Variants in IGSF21 observed in about 807,000 individuals in gnomAD.
The protein encoded by IGSF21 is immunoglobin superfamily member 21, also known as immunoglobulin superfamily member 21.
Under a neutral mutation model 46.8 loss-of-function variants are expected in IGSF21, and 28 were observed. That is an observed-to-expected ratio of 0.60 (90% confidence interval 0.44 to 0.82). The LOEUF is 0.82. Among genes scored for constraint, IGSF21 ranks in the 40% least tolerant of loss-of-function variants. The pLI, the probability that IGSF21 is intolerant of heterozygous loss-of-function variation, is 0.00. For missense variants in IGSF21, 624 were observed against 665.5 expected, an observed-to-expected ratio of 0.94 and a Z score of 0.69; for synonymous variants, 284 against 273.6, an observed-to-expected ratio of 1.04 and a Z score of -0.38.
intron 2 of IGSF21, among the ~76,000 whole-genome samples, chr1:18,273,039 CTTTTTTT>C (rs760448516): frequency 3.7e-5 from 3 of 80,722 alleles, no homozygotes; most frequent in African/African-American, 1.1e-4. Flanking sequence ...CCAGACGGAT[CTTTTTTT>C]TTTTTTTTTT....
At chr1:18,143,417 G>T (rs375211368) in intron 1 of IGSF21, among the ~76,000 whole-genome samples, 5 of 152,152 alleles carry the variant, frequency 3.3e-5, no homozygotes, top group African/African-American at 1.2e-4. Flanking sequence ...TCACAAATCT[G>T]AGCACTCTCC....
intron 1 of IGSF21, among the ~76,000 whole-genome samples, chr1:18,119,776 A>G (rs1232866194): frequency 7.1e-6 from 1 of 141,210 alleles, no homozygotes; most frequent in Non-Finnish European, 1.5e-5. Context: ...TTTTTTTTTC[A>G]TTGTAATTAT....
At chr1:18,108,976 G>C (rs1366888681) in intron 1 of IGSF21, among the ~76,000 whole-genome samples, 1 of 142,456 alleles carries the variant, frequency 7.0e-6, no homozygotes, top group Non-Finnish European at 1.5e-5. Context: ...GGGGAGTTGT[G>C]AGCAGCTCAG....
intron 2 of IGSF21, among the ~76,000 whole-genome samples, chr1:18,287,199 AAATAAAT>A (rs2085222141): frequency 6.9e-6 from 1 of 144,536 alleles, no homozygotes; most frequent in Non-Finnish European, 1.5e-5. Flanking sequence ...AAAATAAAAT[AAATAAAT>A]AAATAAAAAT....
chr1:18,362,298 C>A, intron 5 of IGSF21, 68 bp downstream of exon 5: 1 of 1,134,582 alleles, frequency 8.8e-7, no homozygotes, highest in Non-Finnish European at 1.3e-6. Context: ...GCTGGTCCAG[C>A]TGCAGGTGTC....
At chr1:18,156,077 T>C (rs527830088) in intron 1 of IGSF21, among the ~76,000 whole-genome samples, 11 of 152,304 alleles carry the variant, frequency 7.2e-5, no homozygotes, top group Admixed American at 2.0e-4. Context: ...AGGGCACCTC[T>C]CACACGCGAC....
At chr1:18,315,363 CTATTAATTAAACACA>C (rs1455795065) in intron 3 of IGSF21, among the ~76,000 whole-genome samples, 1 of 152,202 alleles carries the variant, frequency 6.6e-6, no homozygotes, top group Non-Finnish European at 1.5e-5. Context: ...ACTCCTCACA[CTATTAATTAAACACA>C]TATTTAGGTG....
At chr1:18,375,744 C>T (rs1169317101) in intron 6 of IGSF21, among the ~76,000 whole-genome samples, 1 of 152,206 alleles carries the variant, frequency 6.6e-6, no homozygotes, top group Non-Finnish European at 1.5e-5. Flanking sequence ...TTGATCTTGG[C>T]TCTCCTCAAG....
At chr1:18,238,526 CT>C (rs2084694515) in intron 2 of IGSF21, among the ~76,000 whole-genome samples, 1 of 152,196 alleles carries the variant, frequency 6.6e-6, no homozygotes, top group African/African-American at 2.4e-5. Context: ...GCAAATCCAT[CT>C]TCTCTTGGGG....
At chr1:18,221,536 C>T (rs2084510443) in intron 1 of IGSF21, among the ~76,000 whole-genome samples, 1 of 152,112 alleles carries the variant, frequency 6.6e-6, no homozygotes, top group East Asian at 1.9e-4. Flanking sequence ...GGTGTAGGAG[C>T]TATTTGTCAT....
intron 1 of IGSF21, among the ~76,000 whole-genome samples, chr1:18,179,924 G>C (rs1442124983): frequency 6.6e-6 from 1 of 152,194 alleles, no homozygotes; most frequent in African/African-American, 2.4e-5. Context: ...CAAGCAAAAG[G>C]AAAAGAAACT....
At chr1:18,206,900 A>C (rs1022665150) in intron 1 of IGSF21, among the ~76,000 whole-genome samples, 1 of 152,218 alleles carries the variant, frequency 6.6e-6, no homozygotes, top group Non-Finnish European at 1.5e-5. Flanking sequence ...ATTACTACAC[A>C]CTTAGCAGTT....
At chr1:18,124,113 G>A (rs1043652286) in intron 1 of IGSF21, among the ~76,000 whole-genome samples, 4 of 152,184 alleles carry the variant, frequency 2.6e-5, no homozygotes, top group Admixed American at 6.5e-5. Context: ...CTGCAGCTGC[G>A]ACAGCCACAC....
chr1:18,375,608 C>T (rs577660083), intron 6 of IGSF21, among the ~76,000 whole-genome samples: 1 of 152,168 alleles, frequency 6.6e-6, no homozygotes, highest in Non-Finnish European at 1.5e-5. Context: ...GGAGGCTGTG[C>T]ACAAGGAAGG....
chr1:18,150,477 GTGCCC>G (rs1287776742), intron 1 of IGSF21, among the ~76,000 whole-genome samples: 2 of 152,116 alleles, frequency 1.3e-5, no homozygotes. Context: ...TGCAGTCACT[GTGCCC>G]TGCCCTGGAG....
At chr1:18,150,413 G>T (rs556207280) in intron 1 of IGSF21, among the ~76,000 whole-genome samples, 1 of 152,116 alleles carries the variant, frequency 6.6e-6, no homozygotes. Context: ...CATGGCGGGG[G>T]GGGTCTCAGG....
chr1:18,263,573 G>A (rs1250759964), intron 2 of IGSF21, among the ~76,000 whole-genome samples: 1 of 152,110 alleles, frequency 6.6e-6, no homozygotes, highest in East Asian at 1.9e-4. Flanking sequence ...GACAGCTTCT[G>A]GATCTTAATT....
intron 3 of IGSF21, among the ~76,000 whole-genome samples, chr1:18,303,388 C>A (rs2085380014): frequency 6.6e-6 from 1 of 152,110 alleles, no homozygotes; most frequent in Non-Finnish European, 1.5e-5. Flanking sequence ...ATTTTCCTCC[C>A]CCGGCAGCCT....
rs983776122 is a variant in IGSF21 at position 18,370,301 on chromosome 1, A to C, written c.1015+4604A>C. On this transcript the variant is annotated intron_variant, in intron 6 of 9. Coordinates refer to ENST00000251296, the MANE Select transcript of IGSF21 (RefSeq NM_032880.5). Reference sequence around the variant, plus strand: ...GGATAGAGTCCAGAAATAGATCTACATACACAGAGTTCATTGATTTTTGCC... The same window carrying C: ...GGATAGAGTCCAGAAATAGATCTACCTACACAGAGTTCATTGATTTTTGCC... 3.9e-5 allele frequency among the ~76,000 whole-genome samples: 6 copies of C among 152,226 alleles called. No individual in the cohort carries two copies. The South Asian group carries it at 1.2e-3, about 32-fold the overall frequency.
Sources: gnomAD v4.1 joint callset for allele counts (sites outside exome capture counted in the v4.1 genomes callset) on GRCh38, gnomAD v4.1.1 for gene constraint, MANE v1.5 for transcripts, NCBI Gene and HGNC (gene_info 2026-07-23, HGNC 2026-07-21) for gene names.